Variants in MACF1 observed in about 807,000 individuals in gnomAD.
MACF1 encodes the protein microtubule-actin cross-linking factor 1.
Under a neutral mutation model 854.8 loss-of-function variants are expected in MACF1, and 193 were observed. The ratio of observed to expected loss-of-function variants is 0.23; its 90% CI spans 0.20 to 0.25. MACF1 has a LOEUF of 0.25. Among genes scored for constraint, MACF1 ranks in the 10% least tolerant of loss-of-function variants. The pLI, the probability that MACF1 is intolerant of heterozygous loss-of-function variation, is 1.00. For synonymous variants in MACF1, 3,185 were observed against 3,226.7 expected (o/e 0.99, Z 0.44); for missense variants, 7,722 against 8,929.1 (o/e 0.86, Z 5.45).
intron 60 of MACF1, among the ~76,000 whole-genome samples, chr1:39,423,155 G>A (rs1184788101): frequency 1.3e-5 from 2 of 152,030 alleles, no homozygotes; most frequent in Admixed American, 6.5e-5. Context: ...TGTGTTAAGA[G>A]GTTTTTGGTG....
chr1:39,452,608 C>A, intron 86 of MACF1, 76 bp from the exon 87 acceptor site: 5 of 1,581,724 alleles, frequency 3.2e-6, no homozygotes, highest in Non-Finnish European at 4.3e-6. Flanking sequence ...ACACTGGACC[C>A]TTTCCCTAGC....
chr1:39,465,661 T>G (rs79998203), intron 95 of MACF1, among the ~76,000 whole-genome samples: 1 of 152,210 alleles, frequency 6.6e-6, no homozygotes, highest in South Asian at 2.1e-4. Context: ...AAATTAGACT[T>G]GCAAAAAAGA....
intron 2 of MACF1, among the ~76,000 whole-genome samples, chr1:39,119,872 CTTTTTTTTTTTTTT>C (rs571383832): frequency 1.5e-5 from 1 of 65,554 alleles, no homozygotes; most frequent in Non-Finnish European, 2.9e-5. Flanking sequence ...AATAAAGCCT[CTTTTTTTTTTTTTT>C]TTTTTTTTTT....
intron 58 of MACF1, among the ~76,000 whole-genome samples, chr1:39,406,492 A>G (rs1031250854): frequency 1.3e-5 from 2 of 151,718 alleles, no homozygotes; most frequent in Non-Finnish European, 2.9e-5. Flanking sequence ...TAATCCCAGC[A>G]CTTTGGGAGG....
intron 2 of MACF1, among the ~76,000 whole-genome samples, chr1:39,142,563 A>G (rs1643367521): frequency 6.6e-6 from 1 of 152,180 alleles, no homozygotes; most frequent in South Asian, 2.1e-4. Flanking sequence ...GGAGAAGCTC[A>G]GGCAGCTCCA....
intron 44 of MACF1, among the ~76,000 whole-genome samples, chr1:39,356,527 C>T (rs970209566): frequency 6.6e-6 from 1 of 152,152 alleles, no homozygotes; most frequent in African/African-American, 2.4e-5. Context: ...CACTTGCCAC[C>T]ATGCCCAGCT....
intron 2 of MACF1, among the ~76,000 whole-genome samples, chr1:39,198,069 A>G (rs1258930022): frequency 6.6e-6 from 1 of 152,040 alleles, no homozygotes; most frequent in Non-Finnish European, 1.5e-5. Context: ...GTGGTGGCAC[A>G]TGCCTGTAGT....
intron 54 of MACF1, among the ~76,000 whole-genome samples, chr1:39,379,737 A>G (rs1444922989): frequency 6.6e-6 from 1 of 152,240 alleles, no homozygotes; most frequent in Non-Finnish European, 1.5e-5. Flanking sequence ...CTCATTTTCT[A>G]TATGATGCTG....
chr1:39,270,820 A>G (rs1469738280), intron 6 of MACF1, among the ~76,000 whole-genome samples: 4 of 152,316 alleles, frequency 2.6e-5, no homozygotes, highest in African/African-American at 7.2e-5. Context: ...TGCCCTGCCT[A>G]TCACTAGCAG....
chr1:39,114,021 G>C (rs994336263), intron 2 of MACF1, among the ~76,000 whole-genome samples: 2 of 145,986 alleles, frequency 1.4e-5, no homozygotes, highest in East Asian at 1.9e-4. Flanking sequence ...GGGTGACAGA[G>C]TGAGACTCCG....
chr1:39,484,753 A>G (rs762539892), intron 100 of MACF1, 23 bp downstream of exon 100: 1 of 1,614,058 alleles, frequency 6.2e-7, no homozygotes, highest in Non-Finnish European at 8.5e-7. Flanking sequence ...CCCGTGACCT[A>G]CAAGCCAGGC....
At position 39,084,571 on chromosome 1, in the gene MACF1, T is replaced by C. The variant is rs1320383809; in HGVS notation, c.220+133T>C. On this transcript the variant is annotated intron_variant, in intron 2 of 93. Coordinates refer to the MACF1 transcript ENST00000361689. This position sits in a 1 kb window ranked among gnomAD's most constrained non-coding sequence, Gnocchi z 5.2. ...AAAGCAGCCATCATCTGATTTGTTATTATTATTCTTGGAAAGACGTTGAAA... is the reference window on the plus strand; with the variant it reads ...AAAGCAGCCATCATCTGATTTGTTACTATTATTCTTGGAAAGACGTTGAAA... The C allele has an allele frequency of 2.7e-6, 2 of 739,294 alleles. No homozygotes were observed. The highest frequency in any genetic ancestry group is 4.3e-6 in the Non-Finnish European group (2 of 462,288). 45.8% of individuals were successfully genotyped at this position (739,294 alleles called of 1,614,324 possible).
Position 39,484,705 on chromosome 1 carries a change from C to T in MACF1, c.22386C>T (p.Ser7462=), listed in dbSNP as rs72930231. The T allele has an allele frequency of 7.8e-3, 12,540 of 1,614,098 alleles. 781 individuals carry two copies. The African/African-American group carries it at 0.14, about 18-fold the overall frequency. The part of the protein sequence containing the change: ...GDTSNSSSPA[S]TGAKTNRADP... The stretch of plus-strand genomic sequence containing the variant: ...CCAGCAATAGTTCTTCCCCGGCCTC[C>T]ACAGGTGCCAAAACTAATCGGGCAG... The change falls in exon 100 of 101, where the codon TCC becomes TCT. Residue 7462 remains serine (S), a synonymous_variant. Transcript: ENST00000564288.
Position 39,105,953 on chromosome 1 carries a change from C to G in MACF1, c.220+21515C>G, listed in dbSNP as rs1256938639. On this transcript the variant is annotated intron_variant, in intron 2 of 93. Transcript: ENST00000361689. The surrounding 1 kb of genome is among the most constrained non-coding windows in gnomAD (Gnocchi z 5.9). ...CAGAGCGCCAGTTACATGATTTGCC[C>G]TATTATCCGGCCCCAGCTGGAAGAA... Among the ~76,000 whole-genome samples, 1 of 152,226 alleles carries G rather than the reference C, an allele frequency of 6.6e-6. No homozygotes were observed. The highest frequency in any genetic ancestry group is 1.9e-4 in the East Asian group (1 of 5,180).
At chr1:39,228,779 G>A (rs542337313) in intron 1 of MACF1, among the ~76,000 whole-genome samples, 6 of 152,042 alleles carry the variant, frequency 3.9e-5, no homozygotes, top group Non-Finnish European at 8.8e-5. Context: ...TCAGCCTCCC[G>A]AGTAGCTGGG....
At chr1:39,337,461 C>A in intron 38 of MACF1, 130 bp downstream of exon 38, 2 of 819,896 alleles carry the variant, frequency 2.4e-6, no homozygotes, top group Non-Finnish European at 3.6e-6. Context: ...AGACCCTTGT[C>A]AGATAATTAT....
chr1:39,459,931 G>A, intron 91 of MACF1: 1 of 905,766 alleles, frequency 1.1e-6, no homozygotes, highest in South Asian at 1.4e-5. Context: ...TCTAACTTTG[G>A]AGTTTGAAAG....
At chr1:39,142,153 T>C (rs1052326449) in intron 2 of MACF1, among the ~76,000 whole-genome samples, 3 of 152,246 alleles carry the variant, frequency 2.0e-5, no homozygotes, top group African/African-American at 7.2e-5. Flanking sequence ...GTTTTGATTC[T>C]TCCTGAGAAA....
intron 1 of MACF1, among the ~76,000 whole-genome samples, chr1:39,226,743 ATACT>A (rs1644720942): frequency 6.6e-6 from 1 of 152,148 alleles, no homozygotes; most frequent in African/African-American, 2.4e-5. Context: ...CCTCCTTTAA[ATACT>A]TACTAGTTTA....
Sources: allele counts gnomAD v4.1 joint callset (sites outside exome capture counted in the v4.1 genomes callset), GRCh38; gene constraint gnomAD v4.1.1; non-coding constraint Gnocchi (gnomAD v3.1); transcripts MANE v1.5; gene names NCBI Gene and HGNC (gene_info 2026-07-23, HGNC 2026-07-21).